GRID2IP: variants seen among roughly 807,000 people sequenced by gnomAD.
GRID2IP encodes Grid2 interacting protein.
GRID2IP carries 78 observed loss-of-function variants against 114.3 expected under a neutral mutation model. The observed-to-expected ratio is 0.68, with a 90% confidence interval of 0.57 to 0.82. The LOEUF is 0.82. GRID2IP is among the 40% of genes least tolerant of loss of function. The probability of loss-of-function intolerance (pLI) is 0.00; values close to 1 mark genes in which losing one functional copy is unlikely to be tolerated. For synonymous variants in GRID2IP, 809 were observed against 724.0 expected (o/e 1.12, Z -1.89); for missense variants, 1,727 against 1,678.5 (o/e 1.03, Z -0.51).
At chr7:6,501,441 C>A (rs1463182744) in intron 20 of GRID2IP, among the ~76,000 whole-genome samples, 5 of 152,132 alleles carry the variant, frequency 3.3e-5, no homozygotes. Flanking sequence ...GTGGCTCACA[C>A]CTGTAATTCT....
intron 1 of GRID2IP, among the ~76,000 whole-genome samples, chr7:6,540,401 C>T (rs1286414818): frequency 1.3e-5 from 2 of 152,172 alleles, no homozygotes; most frequent in Admixed American, 6.6e-5. Context: ...CGTGAGCCAC[C>T]GCGGCCGGCC....
At chr7:6,537,526 C>T (rs1301788181) in intron 2 of GRID2IP, among the ~76,000 whole-genome samples, 4 of 150,822 alleles carry the variant, frequency 2.7e-5, no homozygotes, top group South Asian at 4.2e-4. Flanking sequence ...TACAGGCGCC[C>T]GCCACCACAA....
intron 1 of GRID2IP, among the ~76,000 whole-genome samples, chr7:6,547,053 C>A (rs1779899241): frequency 6.6e-6 from 1 of 152,188 alleles, no homozygotes; most frequent in South Asian, 2.1e-4. Flanking sequence ...AGGACAGGTG[C>A]TGTTCTAAGA....
In GRID2IP at chr7:6,534,184, C is replaced by T. The variant is rs1779685117; in HGVS notation, c.584+5534G>A. Among the ~76,000 whole-genome samples the T allele has an allele frequency of 6.6e-6, 1 of 152,150 alleles. No individual in the cohort carries two copies. The highest frequency in any genetic ancestry group is 1.5e-5 in the Non-Finnish European group (1 of 68,030). On this transcript the variant is annotated intron_variant, in intron 2 of 21. Transcript: ENST00000457091. The surrounding 1 kb of genome is among the most constrained non-coding windows in gnomAD (Gnocchi z 4.5). ...ATGTCAGTGAACCTGCCTGAGATTGCACTGCCAGTGAGTGGACCTGTATTC... is the reference window on the plus strand; with the variant it reads ...ATGTCAGTGAACCTGCCTGAGATTGTACTGCCAGTGAGTGGACCTGTATTC...
At chr7:6,515,291 CT>C (rs751629625) in intron 7 of GRID2IP, among the ~76,000 whole-genome samples, 93 of 151,980 alleles carry the variant, frequency 6.1e-4, no homozygotes, top group Non-Finnish European at 1.2e-3. Flanking sequence ...GTGAAACCCC[CT>C]CTCTACTAAA....
At position 6,521,556 on chromosome 7, in the gene GRID2IP, C is replaced by A; in HGVS notation, c.990-33G>T. Reference sequence around the variant, plus strand: ...GCAGAGATGGCCCAGGAGGGCCTGACTGGGGTGAGCCCTGTCCACGGCCAC... The same window carrying A: ...GCAGAGATGGCCCAGGAGGGCCTGAATGGGGTGAGCCCTGTCCACGGCCAC... On this transcript the variant is annotated intron_variant, in intron 5 of 21. Coordinates refer to ENST00000457091, the MANE Select transcript of GRID2IP (RefSeq NM_001145118.2). This position sits in a 1 kb window ranked among gnomAD's most constrained non-coding sequence, Gnocchi z 4.1. 6.7e-7 allele frequency: 1 copy of A among 1,486,292 alleles called. No homozygotes were observed. Among genetic ancestry groups the A allele is most frequent in the South Asian group, 1.3e-5 (1 of 78,132 alleles). The allele number at this position is 1,486,292 out of a possible 1,614,324, so 92.1% of individuals were successfully genotyped here.
chr7:6,526,589 G>A lies in GRID2IP; in HGVS notation c.765C>T (p.Pro255=). The A allele has an allele frequency of 9.2e-6, 11 of 1,192,978 alleles. No homozygotes were observed. Among genetic ancestry groups the A allele is most frequent in the Non-Finnish European group, 1.1e-5 (11 of 963,836 alleles). The allele number at this position is 1,192,978 out of a possible 1,614,324, so 73.9% of individuals were successfully genotyped here. A position where few individuals can be genotyped will look rare whatever the true frequency, so the allele number is the denominator to read the frequency against. The change falls in exon 3 of 22, where the codon CCC becomes CCT. Residue 255 remains proline (P), a synonymous_variant. Coordinates refer to ENST00000457091, the MANE Select transcript of GRID2IP (RefSeq NM_001145118.2). The surrounding 1 kb of genome is among the most constrained non-coding windows in gnomAD (Gnocchi z 7.6). The stretch of plus-strand genomic sequence containing the variant: ...AGGCCCTGCGCGGGGGCGGCTCATC[G>A]GGGCGGCGCGGCGGGGCGCTGGCGC... ...STRASAPPRR[P]DEPPPRRASL...
intron 1 of GRID2IP, among the ~76,000 whole-genome samples, chr7:6,550,745 T>C (rs765906206): frequency 6.6e-5 from 10 of 151,632 alleles, no homozygotes; most frequent in Non-Finnish European, 1.5e-4. Flanking sequence ...GGAGAATCAC[T>C]TGAACTTGGG....
chr7:6,521,825 G>C lies in GRID2IP; in HGVS notation c.989+63C>G. The C allele has an allele frequency of 8.0e-7, 1 of 1,256,056 alleles. No homozygotes were observed. Among genetic ancestry groups the C allele is most frequent in the Admixed American group, 2.0e-5 (1 of 49,828 alleles). 77.8% of individuals were successfully genotyped at this position (1,256,056 alleles called of 1,614,324 possible). On this transcript the variant is annotated intron_variant, in intron 5 of 21. Coordinates refer to ENST00000457091, the MANE Select transcript of GRID2IP (RefSeq NM_001145118.2). This position sits in a 1 kb window ranked among gnomAD's most constrained non-coding sequence, Gnocchi z 4.1. Reference sequence around the variant, plus strand: ...CACAGCCTGGGTGCCCCAAGAGGCAGGAGTCTTGCAGGGGGTGGGGGCAGC... The same window carrying C: ...CACAGCCTGGGTGCCCCAAGAGGCACGAGTCTTGCAGGGGGTGGGGGCAGC...
chr7:6,521,236 G>A lies in GRID2IP; in HGVS notation c.1084+193C>T, dbSNP rs916525152. 6.6e-6 allele frequency among the ~76,000 whole-genome samples: 1 copy of A among 152,184 alleles called. No homozygotes were observed. Among genetic ancestry groups the A allele is most frequent in the African/African-American group, 2.4e-5 (1 of 41,444 alleles). On this transcript the variant is annotated intron_variant, in intron 6 of 21. Transcript: ENST00000457091. This position sits in a 1 kb window ranked among gnomAD's most constrained non-coding sequence, Gnocchi z 4.1. ...TCCTCCCACCTTGGCCTCCCAAAGT[G>A]CTGGGATTCCAGGCATGAGCCACCA... is the stretch of plus-strand genomic sequence containing the variant.
chr7:6,541,935 G>A (rs1035858377), intron 1 of GRID2IP, among the ~76,000 whole-genome samples: 3 of 152,154 alleles, frequency 2.0e-5, no homozygotes, highest in African/African-American at 7.2e-5. Context: ...ATCTGACAGT[G>A]GGGGCTAAAT....
rs867959798 is a variant in GRID2IP at position 6,526,690 on chromosome 7, G to A, written c.664C>T (p.Arg222Cys). The A allele has an allele frequency of 2.0e-6, 3 of 1,486,674 alleles. No individual in the cohort carries two copies. Among genetic ancestry groups the A allele is most frequent in the East Asian group, 3.0e-5 (1 of 33,794 alleles). The allele number at this position is 1,486,674 out of a possible 1,614,324, so 92.1% of individuals were successfully genotyped here. Residue 222 changes from arginine (R) to cysteine (C), a missense_variant, in exon 3 of 22, where the codon CGC becomes TGC. Arg to Cys is a radical substitution (Grantham distance 180, BLOSUM62 -3). Coordinates refer to ENST00000457091, the MANE Select transcript of GRID2IP (RefSeq NM_001145118.2). The surrounding 1 kb of genome is among the most constrained non-coding windows in gnomAD (Gnocchi z 7.6). ...AGTCGCTGCGCGCCCTGGGCCCGGC[G>A]TGCGCGGCACAGCTTGCCCAGGAGG... ...QGLLGKLCRA[R>C]RAQGAQRLRR... is the part of the protein sequence containing the mutation.
chr7:6,519,187 G>A lies in GRID2IP; in HGVS notation c.1268+1391C>T, dbSNP rs370239336. Among the ~76,000 whole-genome samples, 2 of 152,188 alleles carry A rather than the reference G, an allele frequency of 1.3e-5. No homozygotes were observed. Among genetic ancestry groups the A allele is most frequent in the Non-Finnish European group, 2.9e-5 (2 of 68,034 alleles). ...CTGCCTCAGCCTCCCAAAGTGCTGG[G>A]ATTATAGGTGTCTGGCCTGGGTTTC... On this transcript the variant is annotated intron_variant, in intron 7 of 21. Transcript: ENST00000457091. This position sits in a 1 kb window ranked among gnomAD's most constrained non-coding sequence, Gnocchi z 4.1.
At position 6,506,832 on chromosome 7, in the gene GRID2IP, C is replaced by T. The variant is rs767164206; in HGVS notation, c.2545-925G>A. ...GAGTAGCTGGGACCACAGGCATGCA[C>T]CACCAGGTCTGGCTAACTTTTTGAT... On this transcript the variant is annotated intron_variant, in intron 13 of 21. Transcript: ENST00000457091. The surrounding 1 kb of genome is among the most constrained non-coding windows in gnomAD (Gnocchi z 5.2). Among the ~76,000 whole-genome samples, 19 of 152,098 alleles carry T rather than the reference C, an allele frequency of 1.2e-4. No individual in the cohort carries two copies. Among genetic ancestry groups the T allele is most frequent in the Non-Finnish European group, 2.4e-4 (16 of 68,030 alleles).
chr7:6,499,770 A>C (rs1786362110), intron 20 of GRID2IP, among the ~76,000 whole-genome samples: 1 of 150,866 alleles, frequency 6.6e-6, no homozygotes, highest in Non-Finnish European at 1.5e-5. Context: ...TCACTCTGTC[A>C]CCTGGCTACA....
chr7:6,518,970 G>C (rs554672263), intron 7 of GRID2IP, among the ~76,000 whole-genome samples: 9 of 152,046 alleles, frequency 5.9e-5, no homozygotes, highest in African/African-American at 1.9e-4. Context: ...CCAGGCTGGA[G>C]AGCAGTGGTG....
At chr7:6,550,927 G>A in intron 1 of GRID2IP, 81 bp downstream of exon 1, 2 of 1,190,178 alleles carry the variant, frequency 1.7e-6, no homozygotes, top group African/African-American at 1.6e-5. Flanking sequence ...TCTGGCCCTG[G>A]GAGAGCGGCG....
intron 2 of GRID2IP, among the ~76,000 whole-genome samples, chr7:6,529,853 G>A (rs1474909118): frequency 6.6e-6 from 1 of 152,006 alleles, no homozygotes; most frequent in Admixed American, 6.6e-5. Context: ...CACCGGGTCA[G>A]TTCTGTTCTC....
rs1243484983 is a variant in GRID2IP, at chr7:6,509,210, A to T, written c.1875T>A (p.Ser625=). 1 of 1,494,034 alleles carries T rather than the reference A, an allele frequency of 6.7e-7. No homozygotes were observed. The highest frequency in any genetic ancestry group is 8.9e-7 in the Non-Finnish European group (1 of 1,118,944). The allele number at this position is 1,494,034 out of a possible 1,614,324, so 92.5% of individuals were successfully genotyped here. A position where few individuals can be genotyped will look rare whatever the true frequency, so the allele number is the denominator to read the frequency against. The change falls in exon 12 of 22, where the codon TCT becomes TCA. Residue 625 remains serine (S), a synonymous_variant. Coordinates refer to ENST00000457091, the MANE Select transcript of GRID2IP (RefSeq NM_001145118.2). The surrounding 1 kb of genome is among the most constrained non-coding windows in gnomAD (Gnocchi z 4.9). ...CSGGLASPSS[S]ESHPYASLDS... ...CCAGGCTGGCGTAGGGGTGGGACTC[A>T]GAGCTGCTGGGGGAGGCCAGACCCC...
Sources: gnomAD v4.1 joint callset for allele counts (sites outside exome capture counted in the v4.1 genomes callset) on GRCh38, gnomAD v4.1.1 for gene constraint, Gnocchi (gnomAD v3.1) non-coding constraint, MANE v1.5 for transcripts, NCBI Gene and HGNC (gene_info 2026-07-23, HGNC 2026-07-21) for gene names.